Variants in MAEA observed in about 807,000 individuals in gnomAD.
MAEA encodes the protein macrophage erythroblast attacher, E3 ubiquitin ligase, also known as E3 ubiquitin-protein transferase MAEA.
Under a neutral mutation model 46.2 loss-of-function variants are expected in MAEA, and 22 were observed. The observed-to-expected ratio is 0.48, with a 90% CI of 0.34 to 0.68. MAEA has a LOEUF of 0.68. Ranked by LOEUF, MAEA falls within the 30% of genes least tolerant of loss-of-function variation. MAEA has a pLI of 0.01. For synonymous variants in MAEA, 246 were observed against 222.6 expected (o/e 1.11, Z -0.94); for missense variants, 393 against 558.1 (o/e 0.70, Z 2.98).
intron 1 of MAEA, chr4:1,297,989 C>A (rs1325057004): frequency 4.4e-6 from 2 of 456,254 alleles, no homozygotes; most frequent in Admixed American, 4.7e-5. Context: ...CTGTGCAAGG[C>A]CCCTGCACTG....
intron 4 of MAEA, among the ~76,000 whole-genome samples, chr4:1,326,410 C>G (rs190533858): frequency 6.6e-6 from 1 of 152,198 alleles, no homozygotes; most frequent in South Asian, 2.1e-4. Flanking sequence ...GAAGATCTTA[C>G]GGTTTAGACG....
intron 2 of MAEA, among the ~76,000 whole-genome samples, chr4:1,314,270 T>G (rs940646276): frequency 1.3e-5 from 2 of 150,948 alleles, no homozygotes; most frequent in Non-Finnish European, 1.5e-5. Context: ...GAGGTTGCAG[T>G]GAGCTGAGAT....
At chr4:1,335,381 A>T in intron 6 of MAEA, 1 of 985,498 alleles carries the variant, frequency 1.0e-6, no homozygotes, top group Non-Finnish European at 1.2e-6. Context: ...TAGCAGAGTT[A>T]AGTCAGCACC....
intron 6 of MAEA, 113 bp from the exon 7 acceptor site, chr4:1,336,748 C>T: frequency 1.0e-6 from 1 of 982,876 alleles, no homozygotes; most frequent in Non-Finnish European, 1.5e-6. Flanking sequence ...GTGTGGGTCA[C>T]TGGGGGATGG....
intron 4 of MAEA, among the ~76,000 whole-genome samples, chr4:1,327,415 C>T (rs554168592): frequency 5.9e-5 from 9 of 152,296 alleles, no homozygotes; most frequent in South Asian, 2.1e-4. Context: ...GAGCAGGGGG[C>T]GGGACTCACA....
At chr4:1,313,006 G>A (rs1325352483) in intron 2 of MAEA, among the ~76,000 whole-genome samples, 2 of 152,246 alleles carry the variant, frequency 1.3e-5, no homozygotes, top group Non-Finnish European at 1.5e-5. Context: ...GGTGAGGACC[G>A]ATGACCCAAG....
Position 1,327,555 on chromosome 4 carries a change from C to G in MAEA, c.580-72C>G, listed in dbSNP as rs899513454. On this transcript the variant is annotated intron_variant, in intron 4 of 8. Coordinates refer to ENST00000303400, the MANE Select transcript of MAEA (RefSeq NM_001017405.3). ...GTTGTGGGGTCTGCTGGTGGACATG[C>G]GGGTGCGGCACCCGGGCACCTGGGC... 7 of 1,010,760 alleles carry G rather than the reference C, an allele frequency of 6.9e-6. No individual in the cohort carries two copies. In the East Asian group the frequency reaches 9.5e-5, roughly 14 times the overall value. 62.6% of individuals were successfully genotyped at this position (1,010,760 alleles called of 1,614,324 possible).
intron 5 of MAEA, chr4:1,328,604 A>T: frequency 8.2e-7 from 1 of 1,212,972 alleles, no homozygotes. Flanking sequence ...GCCCACAGAA[A>T]CCCGACCGCG....
chr4:1,313,132 G>T (rs139600111), intron 2 of MAEA, among the ~76,000 whole-genome samples: 4 of 152,362 alleles, frequency 2.6e-5, no homozygotes, highest in Non-Finnish European at 5.9e-5. Flanking sequence ...ACGTTCAGAG[G>T]ACTGGGATGA....
intron 5 of MAEA, 47 bp downstream of exon 5, chr4:1,327,750 G>A (rs375303915): frequency 1.0e-5 from 16 of 1,545,162 alleles, no homozygotes; most frequent in Admixed American, 5.0e-5. Context: ...CAGGATGTTC[G>A]GCTGCGGCCC....
intron 7 of MAEA, chr4:1,338,120 G>A (rs1032706529): frequency 1.1e-5 from 4 of 378,190 alleles, no homozygotes; most frequent in African/African-American, 8.2e-5. Context: ...CTCTTGTCCT[G>A]CCTGGAGAGG....
chr4:1,304,588 C>T (rs544204835), intron 1 of MAEA, among the ~76,000 whole-genome samples: 2 of 152,176 alleles, frequency 1.3e-5, no homozygotes, highest in African/African-American at 4.8e-5. Context: ...CTACAGGCAC[C>T]CGCCACCACG....
intron 1 of MAEA, among the ~76,000 whole-genome samples, chr4:1,301,220 G>C (rs546106196): frequency 6.6e-6 from 1 of 152,370 alleles, no homozygotes; most frequent in East Asian, 1.9e-4. Context: ...GCAAACGCTG[G>C]AGAAGGTTTG....
At chr4:1,334,485 G>C (rs1337943964) in intron 6 of MAEA, among the ~76,000 whole-genome samples, 1 of 152,228 alleles carries the variant, frequency 6.6e-6, no homozygotes, top group East Asian at 1.9e-4. Context: ...TTCCCAGACT[G>C]TGAGTTGGCA....
chr4:1,328,478 G>A (rs894444721), intron 5 of MAEA, among the ~76,000 whole-genome samples: 8 of 152,246 alleles, frequency 5.3e-5, no homozygotes, highest in South Asian at 2.1e-4. Context: ...GTTCCTGAGC[G>A]GCCAAGCCTT....
chr4:1,339,171 C>A lies in MAEA; in HGVS notation c.*2C>A. 6.2e-7 allele frequency: 1 copy of A among 1,612,924 alleles called. No individual in the cohort carries two copies. The highest frequency in any genetic ancestry group is 8.5e-7 in the Non-Finnish European group (1 of 1,179,134). On this transcript the variant is annotated 3_prime_UTR_variant, in exon 9 of 9. Transcript: ENST00000303400. ...GCCGAGAAGGTGTACATCATGTAGGCCCCACGTCGTGAAGCGCACGCCTCG... is the reference window on the plus strand; with the variant it reads ...GCCGAGAAGGTGTACATCATGTAGGACCCACGTCGTGAAGCGCACGCCTCG...
intron 5 of MAEA, chr4:1,328,605 C>A: frequency 8.2e-7 from 1 of 1,217,198 alleles, no homozygotes. Context: ...CCCACAGAAA[C>A]CCGACCGCGA....
intron 6 of MAEA, chr4:1,335,273 T>C (rs1029784460): frequency 8.1e-5 from 80 of 985,398 alleles, no homozygotes; most frequent in Non-Finnish European, 9.4e-5. Context: ...AGGTGCACTC[T>C]GCACTGAGCT....
In MAEA at chr4:1,332,780, A is replaced by C; in HGVS notation, c.680A>C (p.Gln227Pro). Reference sequence around the variant, plus strand: ...AGACATGCAAGAAAGCACTTCAGCCAAGCAGAAGGGAGCCAGCTGGACGAG... The same window carrying C: ...AGACATGCAAGAAAGCACTTCAGCCCAGCAGAAGGGAGCCAGCTGGACGAG... Reference protein sequence around the residue: ...AVRHARKHFSQAEGSQLDEVR... With the variant: ...AVRHARKHFSPAEGSQLDEVR... Residue 227 changes from glutamine to proline, a missense_variant, in exon 6 of 9, where the codon CAA becomes CCA. Physicochemically the swap from Gln to Pro is moderately conservative, Grantham distance 76 (BLOSUM62 -1). Around this residue, in one of 2 missense-constraint regions of MAEA, gnomAD observed 358 missense variants for 537.9 expected, o/e 0.67. Transcript: ENST00000303400. The C allele has an allele frequency of 6.2e-7, 1 of 1,613,092 alleles. No homozygotes were observed. The highest frequency in any genetic ancestry group is 8.5e-7 in the Non-Finnish European group (1 of 1,179,594).
Sources: allele counts gnomAD v4.1 joint callset (sites outside exome capture counted in the v4.1 genomes callset), GRCh38; gene constraint gnomAD v4.1.1; regional missense constraint gnomAD v4.1.1; transcripts MANE v1.5; gene names NCBI Gene and HGNC (gene_info 2026-07-23, HGNC 2026-07-21).